The following FBXO21 variants were observed in gnomAD, a reference collection of about 807,000 sequenced individuals.
The protein encoded by FBXO21 is F-box only protein 21.
A neutral mutation model predicts 76.6 loss-of-function variants in FBXO21; 32 were observed. The ratio of observed to expected loss-of-function variants is 0.42; its 90% CI spans 0.32 to 0.56. FBXO21 has a LOEUF of 0.56. FBXO21 is among the 20% of genes least tolerant of loss of function. FBXO21 has a pLI of 0.16. For synonymous variants in FBXO21, 328 were observed against 311.5 expected (o/e 1.05, Z -0.56); for missense variants, 586 against 797.3 (o/e 0.73, Z 3.19).
chr12:117,156,024 A>C, intron 10 of FBXO21, 76 bp from the exon 11 acceptor site: 17 of 1,403,406 alleles, frequency 1.2e-5, no homozygotes, highest in Non-Finnish European at 1.6e-5. Context: ...GTGGCTTCTC[A>C]GCTCACATCC....
intron 11 of FBXO21, among the ~76,000 whole-genome samples, chr12:117,148,697 G>C (rs925646220): frequency 1.3e-5 from 2 of 152,218 alleles, no homozygotes; most frequent in African/African-American, 4.8e-5. Context: ...ACTCAAACCA[G>C]ACAGTCCCAT....
At chr12:117,160,692 T>C (rs1304161648) in intron 9 of FBXO21, among the ~76,000 whole-genome samples, 2 of 152,208 alleles carry the variant, frequency 1.3e-5, no homozygotes, top group Non-Finnish European at 2.9e-5. Context: ...GATGTGATCA[T>C]GGCTCACTGC....
At chr12:117,177,490 T>G in intron 4 of FBXO21, 30 bp downstream of exon 4, 1 of 1,596,944 alleles carries the variant, frequency 6.3e-7, no homozygotes, top group Non-Finnish European at 8.5e-7. Context: ...ACAGAAATAC[T>G]ACTGTCCACA....
At chr12:117,166,121 C>G (rs994415973) in intron 8 of FBXO21, among the ~76,000 whole-genome samples, 1 of 147,370 alleles carries the variant, frequency 6.8e-6, no homozygotes, top group African/African-American at 2.5e-5. Flanking sequence ...ATCCAGGAGA[C>G]AGAGGTTGTG....
intron 2 of FBXO21, among the ~76,000 whole-genome samples, chr12:117,187,923 T>C (rs1264094665): frequency 6.6e-6 from 1 of 152,262 alleles, no homozygotes; most frequent in Non-Finnish European, 1.5e-5. Context: ...CTAACACTAA[T>C]AAATATTTAT....
intron 6 of FBXO21, 32 bp downstream of exon 6, chr12:117,174,173 C>T (rs759624537): frequency 1.4e-5 from 22 of 1,548,990 alleles, no homozygotes; most frequent in Admixed American, 6.7e-5. Context: ...ACCTATATTA[C>T]TATACCCATA....
chr12:117,142,434 TAA>T lies in FBXO21; in HGVS notation c.*3651_*3652del, dbSNP rs1955726072. 1 of 152,286 alleles carries T rather than the reference TAA, an allele frequency of 6.6e-6. No homozygotes were observed. The highest frequency in any genetic ancestry group is 1.5e-5 in the Non-Finnish European group (1 of 68,024). The allele number at this position is 152,286 out of a possible 1,614,324, so 9.4% of individuals were successfully genotyped here. A position where few individuals can be genotyped will look rare whatever the true frequency, so the allele number is the denominator to read the frequency against. On this transcript the variant is annotated 3_prime_UTR_variant, in exon 12 of 12. Coordinates refer to ENST00000622495, the MANE Select transcript of FBXO21 (RefSeq NM_015002.3). ...GAGCTAAGAATGTTGTTGACACTTT[TAA>T]AAACAGAGAACATGTGACAGTCTGT...
At chr12:117,189,994 G>A (rs1956327951) in intron 1 of FBXO21, among the ~76,000 whole-genome samples, 1 of 152,110 alleles carries the variant, frequency 6.6e-6, no homozygotes, top group Non-Finnish European at 1.5e-5. Context: ...CGGAGGACCC[G>A]GCTGCGAGGC....
Position 117,147,807 on chromosome 12 carries a change from C to T in FBXO21, c.1676-1530G>A, listed in dbSNP as rs566772587. Among the ~76,000 whole-genome samples the T allele has an allele frequency of 1.8e-4, 28 of 152,246 alleles. 1 individual carries two copies. In the South Asian group the frequency reaches 5.6e-3, roughly 30 times the overall value. Reference sequence around the variant, plus strand: ...AGAAGCCCAGCTATGCCCTCCATGACCTGACACCGGAAGGAAGCTGGGCTG... The same window carrying T: ...AGAAGCCCAGCTATGCCCTCCATGATCTGACACCGGAAGGAAGCTGGGCTG... On this transcript the variant is annotated intron_variant, in intron 11 of 11. Coordinates refer to ENST00000622495, the MANE Select transcript of FBXO21 (RefSeq NM_015002.3).
chr12:117,146,755 G>A (rs956399627), intron 11 of FBXO21, among the ~76,000 whole-genome samples: 2 of 152,020 alleles, frequency 1.3e-5, no homozygotes, highest in African/African-American at 2.4e-5. Context: ...CTTTCCACCC[G>A]AGCTCCTTCC....
intron 2 of FBXO21, among the ~76,000 whole-genome samples, chr12:117,187,918 A>T (rs1956299831): frequency 6.6e-6 from 1 of 152,264 alleles, no homozygotes; most frequent in Admixed American, 6.5e-5. Context: ...TTATTCTAAC[A>T]CTAATAAATA....
chr12:117,143,561 A>C lies in FBXO21; in HGVS notation c.*2526T>G, dbSNP rs1481876692. 6.6e-6 allele frequency: 1 copy of C among 152,260 alleles called. No individual in the cohort carries two copies. The highest frequency in any genetic ancestry group is 2.4e-5 in the African/African-American group (1 of 41,474). 9.4% of individuals were successfully genotyped at this position (152,260 alleles called of 1,614,324 possible). On this transcript the variant is annotated 3_prime_UTR_variant, in exon 12 of 12. Transcript: ENST00000622495. ...ATAATTCAGAAAGTGCAATCTTTGC[A>C]TGACAACCAGATAATTCTCAAAGGT...
Position 117,144,827 on chromosome 12 carries a change from C to T in FBXO21, c.*1260G>A, listed in dbSNP as rs559490760. ...GAGAACTTCGGAAAGGAGCCAGTGC[C>T]GTCCGAACACACGGTCAGGCTTTCC... On this transcript the variant is annotated 3_prime_UTR_variant, in exon 12 of 12. Transcript: ENST00000622495. 13 of 152,292 alleles carry T rather than the reference C, an allele frequency of 8.5e-5. No individual in the cohort carries two copies. In the East Asian group the frequency reaches 1.4e-3, roughly 16 times the overall value. 9.4% of individuals were successfully genotyped at this position (152,292 alleles called of 1,614,324 possible).
intron 9 of FBXO21, 86 bp from the exon 10 acceptor site, chr12:117,158,149 GT>G (rs1955938720): frequency 1.1e-5 from 16 of 1,492,708 alleles, no homozygotes; most frequent in Non-Finnish European, 1.3e-5. Flanking sequence ...ACCTACCTAC[GT>G]AACCTAACAA....
intron 3 of FBXO21, among the ~76,000 whole-genome samples, chr12:117,180,802 T>C (rs1225415705): frequency 6.6e-6 from 1 of 152,040 alleles, no homozygotes; most frequent in Non-Finnish European, 1.5e-5. Context: ...TTTTTTTTTT[T>C]TTATGTATTT....
intron 11 of FBXO21, 140 bp downstream of exon 11, chr12:117,155,651 C>A: frequency 1.1e-6 from 1 of 943,924 alleles, no homozygotes; most frequent in East Asian, 2.6e-5. Flanking sequence ...TGACTGTGGG[C>A]CCGAAGGAGG....
intron 9 of FBXO21, among the ~76,000 whole-genome samples, chr12:117,164,152 C>G (rs1439190790): frequency 6.6e-6 from 1 of 151,408 alleles, no homozygotes; most frequent in African/African-American, 2.4e-5. Context: ...ATGATTACAT[C>G]TTGGACAAGT....
intron 2 of FBXO21, 39 bp downstream of exon 2, chr12:117,189,188 A>G (rs772830031): frequency 1.2e-6 from 2 of 1,613,878 alleles, no homozygotes; most frequent in East Asian, 4.5e-5. Context: ...CACATACACC[A>G]GCAAGCCAAA....
intron 9 of FBXO21, among the ~76,000 whole-genome samples, chr12:117,163,562 GAAGAA>G (rs1369644699): frequency 6.6e-6 from 1 of 151,746 alleles, no homozygotes; most frequent in Non-Finnish European, 1.5e-5. Context: ...AAAAGAAAAA[GAAGAA>G]AAGAAACTTG....
Sources: allele counts gnomAD v4.1 joint callset (sites outside exome capture counted in the v4.1 genomes callset), GRCh38; gene constraint gnomAD v4.1.1; transcripts MANE v1.5; gene names NCBI Gene and HGNC (gene_info 2026-07-23, HGNC 2026-07-21).